Variants in TSHZ3 observed in about 807,000 individuals in gnomAD.
TSHZ3 encodes teashirt homolog 3.
A neutral mutation model predicts 64.5 loss-of-function variants in TSHZ3; 10 were observed. The observed-to-expected ratio is 0.16, with a 90% confidence interval of 0.10 to 0.26. The LOEUF (loss-of-function observed/expected upper bound fraction) is 0.26. TSHZ3 is among the 10% of genes least tolerant of loss of function. The probability of loss-of-function intolerance (pLI) is 1.00; values close to 1 mark genes in which losing one functional copy is unlikely to be tolerated. For synonymous variants in TSHZ3, 608 were observed against 593.1 expected (o/e 1.03, Z -0.36); for missense variants, 1,242 against 1,421.7 (o/e 0.87, Z 2.03).
At chr19:31,154,941 G>A (rs555416561) in intron 6 of TSHZ3, among the ~76,000 whole-genome samples, 20 of 152,350 alleles carry the variant, frequency 1.3e-4, no homozygotes, top group African/African-American at 3.8e-4. Context: ...CCTCATGGCC[G>A]TGGTGTCCCA....
intron 1 of TSHZ3, among the ~76,000 whole-genome samples, chr19:31,251,152 C>A (rs1975835837): frequency 6.6e-6 from 1 of 152,144 alleles, no homozygotes; most frequent in Admixed American, 6.5e-5. Flanking sequence ...CAGTGCAGTG[C>A]TCAGGCCTGA....
At position 31,276,752 on chromosome 19, in the gene TSHZ3, A is replaced by C. The variant is rs1380832476; in HGVS notation, c.3041T>G (p.Ile1014Ser). 7 of 1,613,570 alleles carry C rather than the reference A, an allele frequency of 4.3e-6. No individual in the cohort carries two copies. Among genetic ancestry groups the C allele is most frequent in the Non-Finnish European group, 5.1e-6 (6 of 1,179,610 alleles). ...RDLSKLSTEQ[I>S]NSQIAQTKSP... is the part of the protein sequence containing the mutation. The stretch of plus-strand genomic sequence containing the variant: ...CTTGGTTTGTGCTATCTGACTGTTA[A>C]TCTGTTCGGTGGACAGTTTGGATAA... Residue 1014 changes from isoleucine to serine, a missense_variant, in exon 2 of 2, where the codon ATT becomes AGT. By Grantham distance (142) the Ile-to-Ser change is moderately radical. Around this residue, in one of 4 missense-constraint regions of TSHZ3, gnomAD observed 126 missense variants for 140.6 expected, o/e 0.90. Coordinates refer to ENST00000240587, the MANE Select transcript of TSHZ3 (RefSeq NM_020856.4).
At chr19:31,182,072 G>A (rs1393390885) in intron 5 of TSHZ3, among the ~76,000 whole-genome samples, 2 of 152,094 alleles carry the variant, frequency 1.3e-5, no homozygotes, top group Admixed American at 6.6e-5. Context: ...CCTGAGAGCC[G>A]CATGCTCTAC....
intron 1 of TSHZ3, among the ~76,000 whole-genome samples, chr19:31,346,523 C>T (rs1917596815): frequency 6.6e-6 from 1 of 152,118 alleles, no homozygotes; most frequent in African/African-American, 2.4e-5. Flanking sequence ...AACAACTTTT[C>T]TTTTTTTATG....
intron 5 of TSHZ3, among the ~76,000 whole-genome samples, chr19:31,192,168 G>A (rs1406892070): frequency 1.3e-5 from 2 of 152,080 alleles, no homozygotes; most frequent in African/African-American, 4.8e-5. Flanking sequence ...AAAGACCATG[G>A]AAGAAACAAG....
intron 1 of TSHZ3, among the ~76,000 whole-genome samples, chr19:31,264,825 G>C (rs912492627): frequency 6.6e-5 from 10 of 152,016 alleles, no homozygotes; most frequent in African/African-American, 2.4e-4. Flanking sequence ...GCGCAGTTCA[G>C]GTGCCAGAGA....
At position 31,275,218 on chromosome 19, in the gene TSHZ3, T is replaced by C. The variant is rs1976206848; in HGVS notation, c.*1329A>G. On this transcript the variant is annotated 3_prime_UTR_variant, in exon 2 of 2. Coordinates refer to ENST00000240587, the MANE Select transcript of TSHZ3 (RefSeq NM_020856.4). ...CATAAGCCTAAAGATAAAGCTGCAG[T>C]GTGGGATCTTGGGAGAATAATTAGG... 1 of 152,358 alleles carries C rather than the reference T, an allele frequency of 6.6e-6. No homozygotes were observed. Among genetic ancestry groups the C allele is most frequent in the Non-Finnish European group, 1.5e-5 (1 of 67,980 alleles). 9.4% of individuals were successfully genotyped at this position (152,358 alleles called of 1,614,324 possible).
intron 1 of TSHZ3, among the ~76,000 whole-genome samples, chr19:31,330,718 G>GT: frequency 6.7e-6 from 1 of 148,644 alleles, no homozygotes; most frequent in South Asian, 2.2e-4. Flanking sequence ...GCGGGGGGAG[G>GT]AAAGTCCAGA....
chr19:31,248,960 T>G (rs1975796249), intron 1 of TSHZ3, among the ~76,000 whole-genome samples: 1 of 149,892 alleles, frequency 6.7e-6, no homozygotes, highest in African/African-American at 2.5e-5. Flanking sequence ...ATGGAGCAGG[T>G]TTTGAGTAGT....
upstream of TSHZ3, among the ~76,000 whole-genome samples, chr19:31,350,285 C>T (rs865780198): frequency 6.6e-6 from 1 of 151,320 alleles, no homozygotes; most frequent in Non-Finnish European, 1.5e-5. Flanking sequence ...CCAGGACCCG[C>T]CGTAGCCACT....
At chr19:31,320,196 G>A (rs983289723) in intron 1 of TSHZ3, among the ~76,000 whole-genome samples, 1 of 152,162 alleles carries the variant, frequency 6.6e-6, no homozygotes, top group Non-Finnish European at 1.5e-5. Context: ...TGACCACGGG[G>A]CTTCTCCACC....
intron 1 of TSHZ3, among the ~76,000 whole-genome samples, chr19:31,264,046 T>A (rs1010097831): frequency 6.6e-6 from 1 of 152,102 alleles, no homozygotes; most frequent in Non-Finnish European, 1.5e-5. Context: ...CCATGTAGAA[T>A]AGGTGCCAAT....
intron 3 of TSHZ3, among the ~76,000 whole-genome samples, chr19:31,240,962 G>GT (rs1389213863): frequency 2.6e-5 from 4 of 151,984 alleles, no homozygotes; most frequent in Non-Finnish European, 5.9e-5. Context: ...TATTATACTT[G>GT]TTTTAAAGTC....
intron 3 of TSHZ3, among the ~76,000 whole-genome samples, chr19:31,240,975 T>C (rs1975681248): frequency 6.6e-6 from 1 of 152,246 alleles, no homozygotes; most frequent in Non-Finnish European, 1.5e-5. Flanking sequence ...TTAAAGTCTT[T>C]GCTAGCTCCA....
In TSHZ3 at chr19:31,278,812, C is replaced by G; in HGVS notation, c.981G>C (p.Glu327Asp). The G allele has an allele frequency of 6.2e-7, 1 of 1,614,158 alleles. No homozygotes were observed. The highest frequency in any genetic ancestry group is 1.1e-5 in the South Asian group (1 of 91,082). Residue 327 changes from glutamate (E) to aspartate (D), a missense_variant, in exon 2 of 2, where the codon GAG becomes GAC. Transcript: ENST00000240587. This position sits in a 1 kb window ranked among gnomAD's most constrained non-coding sequence, Gnocchi z 4.7. ...IPATRKKASL[E>D]LELPSSPDST... is the part of the protein sequence containing the mutation. ...AATCTGGGGAGCTGGGGAGCTCCAG[C>G]TCCAGGGAAGCTTTCTTCCGAGTGG...
At chr19:31,325,065 G>C (rs150991061) in intron 1 of TSHZ3, among the ~76,000 whole-genome samples, 3,644 of 152,262 alleles carry the variant, frequency 0.024, 52 homozygotes, top group Middle Eastern at 0.041. Flanking sequence ...AAGAAGCTCC[G>C]CGCTGTAGCC....
At chr19:31,171,169 G>C (rs556269959) in intron 5 of TSHZ3, among the ~76,000 whole-genome samples, 1 of 152,114 alleles carries the variant, frequency 6.6e-6, no homozygotes, top group Non-Finnish European at 1.5e-5. Context: ...CCAGTACCCC[G>C]CTTGGTAGCC....
rs2145215675 is a variant in TSHZ3 at position 31,279,437 on chromosome 19, T to A, written c.356A>T (p.Lys119Met). Residue 119 changes from lysine (K) to methionine (M), a missense_variant, in exon 2 of 2, where the codon AAG (lysine) becomes ATG (methionine). Lys to Met is a moderately conservative substitution (Grantham distance 95). Transcript: ENST00000240587. This position sits in a 1 kb window ranked among gnomAD's most constrained non-coding sequence, Gnocchi z 6.4. ...GGAGAGGAAGTTGTTGTACACGGCC[T>A]TCATCTGCTCCAGGCTATCCGACAC... Reference protein sequence around the residue: ...TTVSDSLEQMKAVYNNFLSNS... With the variant: ...TTVSDSLEQMMAVYNNFLSNS... The A allele has an allele frequency of 6.2e-7, 1 of 1,614,206 alleles. No individual in the cohort carries two copies. The highest frequency in any genetic ancestry group is 1.3e-5 in the African/African-American group (1 of 75,046).
chr19:31,220,789 G>T (rs1975385983), intron 4 of TSHZ3, among the ~76,000 whole-genome samples: 1 of 152,100 alleles, frequency 6.6e-6, no homozygotes, highest in Non-Finnish European at 1.5e-5. Context: ...TGCAAAGGAG[G>T]CTGGGAAATG....
Sources: allele counts gnomAD v4.1 joint callset (sites outside exome capture counted in the v4.1 genomes callset), GRCh38; gene constraint gnomAD v4.1.1; regional missense constraint gnomAD v4.1.1; non-coding constraint Gnocchi (gnomAD v3.1); transcripts MANE v1.5; gene names NCBI Gene and HGNC (gene_info 2026-07-23, HGNC 2026-07-21).